The following FBLN1 variants were observed in gnomAD, a reference collection of about 807,000 sequenced individuals.
The protein encoded by FBLN1 is fibulin 1.
Under a neutral mutation model 89.7 loss-of-function variants are expected in FBLN1, and 34 were observed. That is an observed-to-expected ratio of 0.38 (90% CI 0.29 to 0.50). The LOEUF (loss-of-function observed/expected upper bound fraction) is 0.50, where lower values mean the gene tolerates loss of function less well. Ranked by LOEUF, FBLN1 falls within the 20% of genes least tolerant of loss-of-function variation. The pLI is 0.92. For missense variants in FBLN1, 777 were observed against 988.1 expected (o/e 0.79, Z 2.86); for synonymous variants, 393 against 391.3 (o/e 1.00, Z -0.05).
intron 2 of FBLN1, among the ~76,000 whole-genome samples, chr22:45,521,468 G>A (rs1416250142): frequency 1.3e-5 from 2 of 152,256 alleles, no homozygotes; most frequent in African/African-American, 2.4e-5. Flanking sequence ...TGCCTCTCAA[G>A]TGAGCTACTG....
intron 8 of FBLN1, among the ~76,000 whole-genome samples, chr22:45,540,124 G>A (rs1427354547): frequency 1.3e-5 from 2 of 152,182 alleles, no homozygotes; most frequent in African/African-American, 4.8e-5. Flanking sequence ...TTTGAACCAA[G>A]GGCCATCATT....
At chr22:45,593,452 T>C (rs957792472) in intron 16 of FBLN1, among the ~76,000 whole-genome samples, 9 of 152,102 alleles carry the variant, frequency 5.9e-5, no homozygotes, top group Admixed American at 2.6e-4. Context: ...ATTATATCTT[T>C]AAGAGGCACA....
chr22:45,599,002 G>A (rs1194281577), intron 16 of FBLN1, among the ~76,000 whole-genome samples: 1 of 152,216 alleles, frequency 6.6e-6, no homozygotes, highest in Non-Finnish European at 1.5e-5. Context: ...CAGAGGGAAG[G>A]CAGTGCCAGC....
chr22:45,533,739 G>C, intron 6 of FBLN1, 22 bp from the exon 7 acceptor site: 2 of 1,608,112 alleles, frequency 1.2e-6, no homozygotes, highest in Non-Finnish European at 1.7e-6. Context: ...GGTCACCCCC[G>C]CACTGCCTCG....
Position 45,572,688 on chromosome 22 carries a change from C to T in FBLN1, c.1698-1823C>T, listed in dbSNP as rs2088961357. 6.6e-6 allele frequency among the ~76,000 whole-genome samples: 1 copy of T among 152,242 alleles called. No individual in the cohort carries two copies. The highest frequency in any genetic ancestry group is 2.4e-5 in the African/African-American group (1 of 41,470). On this transcript the variant is annotated intron_variant, in intron 14 of 16. Coordinates refer to ENST00000327858, the MANE Select transcript of FBLN1 (RefSeq NM_006486.3). The surrounding 1 kb of genome is among the most constrained non-coding windows in gnomAD (Gnocchi z 5.8). The stretch of plus-strand genomic sequence containing the variant: ...CGTAGGCCTTGAGCATCAGTAGATG[C>T]TGTCCTCACAGAGACAGCCAGTCAC...
intron 2 of FBLN1, among the ~76,000 whole-genome samples, chr22:45,519,163 C>G (rs951735805): frequency 6.6e-6 from 1 of 152,136 alleles, no homozygotes; most frequent in Non-Finnish European, 1.5e-5. Context: ...ACACGGACCA[C>G]CTACAGACCC....
intron 14 of FBLN1, chr22:45,564,944 G>C (rs373139240): frequency 1.9e-6 from 3 of 1,613,992 alleles, no homozygotes; most frequent in East Asian, 2.2e-5. Context: ...AGGACTGCAG[G>C]GTTCTTCCAT....
At position 45,600,799 on chromosome 22, in the gene FBLN1, T is replaced by C. The variant is rs1920926185; in HGVS notation, c.*353T>C. The C allele has an allele frequency of 2.8e-6, 1 of 351,770 alleles. No homozygotes were observed. The highest frequency in any genetic ancestry group is 2.1e-5 in the African/African-American group (1 of 46,996). The allele number at this position is 351,770 out of a possible 1,614,324, so 21.8% of individuals were successfully genotyped here. On this transcript the variant is annotated 3_prime_UTR_variant, in exon 17 of 17. Transcript: ENST00000327858. ...CAAATGCCAAAAGAAGACCAGTTCT[T>C]GCCCTGATTGTATGAAATTTGACAT...
At position 45,563,367 on chromosome 22, in the gene FBLN1, C is replaced by T. The variant is rs965193413; in HGVS notation, c.1698-11144C>T. The T allele has an allele frequency of 4.1e-5, 65 of 1,567,880 alleles. No homozygotes were observed. In the East Asian group the frequency reaches 6.9e-4, roughly 17 times the overall value. ...AGCAAGCGTCCCACACAGTGAGCCT[C>T]GCGTGCCTTGGTTTTATTTGGCATG... On this transcript the variant is annotated intron_variant, in intron 14 of 16. Coordinates refer to ENST00000327858, the MANE Select transcript of FBLN1 (RefSeq NM_006486.3). The surrounding 1 kb of genome is among the most constrained non-coding windows in gnomAD (Gnocchi z 5.7).
intron 1 of FBLN1, among the ~76,000 whole-genome samples, chr22:45,511,118 G>T (rs2088094075): frequency 6.6e-6 from 1 of 150,644 alleles, no homozygotes. Context: ...GTGTGCTAAT[G>T]TAAGCACTTT....
Position 45,530,767 on chromosome 22 carries a change from G to A in FBLN1, c.485-498G>A, listed in dbSNP as rs2088394668. On this transcript the variant is annotated intron_variant, in intron 4 of 16. Coordinates refer to ENST00000327858, the MANE Select transcript of FBLN1 (RefSeq NM_006486.3). The surrounding 1 kb of genome is among the most constrained non-coding windows in gnomAD (Gnocchi z 5.4). ...TGTCTGTGGTCTTTCTGTTATAACT[G>A]ATCTTTTTTTTTTGAAACGGAGTCT... is the stretch of plus-strand genomic sequence containing the variant. Among the ~76,000 whole-genome samples the A allele has an allele frequency of 6.8e-6, 1 of 146,674 alleles. No individual in the cohort carries two copies. Among genetic ancestry groups the A allele is most frequent in the African/African-American group, 2.7e-5 (1 of 37,648 alleles).
chr22:45,589,165 C>T (rs1379719060), intron 16 of FBLN1, among the ~76,000 whole-genome samples: 2 of 150,468 alleles, frequency 1.3e-5, no homozygotes, highest in African/African-American at 4.9e-5. Flanking sequence ...ATATAACTTG[C>T]TCCTCATAGC....
In FBLN1 at chr22:45,543,710, T is replaced by C. The variant is rs2088589553; in HGVS notation, c.1321+184T>C. On this transcript the variant is annotated intron_variant, in intron 11 of 16. Coordinates refer to ENST00000327858, the MANE Select transcript of FBLN1 (RefSeq NM_006486.3). ...ACTGCCCGCCTGCCCACCCGATTTC[T>C]CCTGATGACATCCACCCTCCGAGGC... Among the ~76,000 whole-genome samples the C allele has an allele frequency of 2.0e-5, 3 of 152,200 alleles. No homozygotes were observed. In the South Asian group the frequency reaches 6.2e-4, roughly 31 times the overall value.
chr22:45,591,593 G>A (rs1031295558), intron 16 of FBLN1, among the ~76,000 whole-genome samples: 1 of 152,126 alleles, frequency 6.6e-6, no homozygotes, highest in South Asian at 2.1e-4. Context: ...TAAATATGCA[G>A]CCCAGACACC....
chr22:45,555,248 C>CATAG (rs2088770214), intron 14 of FBLN1, among the ~76,000 whole-genome samples: 1 of 135,126 alleles, frequency 7.4e-6, no homozygotes, highest in East Asian at 2.0e-4. Context: ...ATGGAATATA[C>CATAG]ATATATATAT....
chr22:45,577,774 C>A lies in FBLN1; in HGVS notation c.1972+666C>A. ...ACTGTGGAAGTCCTGTTGGTGGGTG[C>A]AGGCTGGGGAAGATGTTTACAGGCG... is the stretch of plus-strand genomic sequence containing the variant. On this transcript the variant is annotated intron_variant, in intron 16 of 16. Transcript: ENST00000327858. This position sits in a 1 kb window ranked among gnomAD's most constrained non-coding sequence, Gnocchi z 6.6. 5.9e-6 allele frequency: 1 copy of A among 169,124 alleles called. No homozygotes were observed. Among genetic ancestry groups the A allele is most frequent in the South Asian group, 1.5e-4 (1 of 6,554 alleles). The allele number at this position is 169,124 out of a possible 1,614,324, so 10.5% of individuals were successfully genotyped here.
chr22:45,517,624 GCT>G (rs1292559110), intron 1 of FBLN1: 1 of 471,210 alleles, frequency 2.1e-6, no homozygotes, highest in Admixed American at 2.3e-5. Context: ...CTGAACCTGT[GCT>G]CTCTGCTTTG....
At chr22:45,585,801 C>T (rs1013848163) in intron 16 of FBLN1, among the ~76,000 whole-genome samples, 2 of 152,174 alleles carry the variant, frequency 1.3e-5, no homozygotes, top group African/African-American at 4.8e-5. Flanking sequence ...CTTTTCTGCT[C>T]CCTATGTCGT....
At chr22:45,511,157 A>ATT (rs67205437) in intron 1 of FBLN1, among the ~76,000 whole-genome samples, 27,921 of 143,774 alleles carry the variant, frequency 0.19, 3,127 homozygotes, top group African/African-American at 0.28. Flanking sequence ...ATCTTCCCCC[A>ATT]TTTTTTTTTT....
Sources: allele counts gnomAD v4.1 joint callset (sites outside exome capture counted in the v4.1 genomes callset), GRCh38; gene constraint gnomAD v4.1.1; non-coding constraint Gnocchi (gnomAD v3.1); transcripts MANE v1.5; gene names NCBI Gene and HGNC (gene_info 2026-07-23, HGNC 2026-07-21).